SULF1: variants seen among roughly 807,000 people sequenced by gnomAD.
SULF1 encodes the protein sulfatase 1, also known as extracellular sulfatase Sulf-1.
SULF1 carries 46 observed loss-of-function variants against 110.5 expected under a neutral mutation model. The observed-to-expected ratio is 0.42, with a 90% CI of 0.33 to 0.53. The LOEUF (loss-of-function observed/expected upper bound fraction) is 0.53, where lower values mean the gene tolerates loss of function less well. Among genes scored for constraint, SULF1 ranks in the 20% least tolerant of loss-of-function variants. The pLI, the probability that SULF1 is intolerant of heterozygous loss-of-function variation, is 0.12. For synonymous variants in SULF1, 371 were observed against 387.1 expected (o/e 0.96, Z 0.49); for missense variants, 941 against 1,094.2 (o/e 0.86, Z 1.98).
intron 8 of SULF1, among the ~76,000 whole-genome samples, chr8:69,590,960 A>C (rs1218044757): frequency 6.6e-6 from 1 of 152,316 alleles, no homozygotes; most frequent in East Asian, 1.9e-4. Context: ...TTTCTGTTGA[A>C]TCAGAAATCA....
intron 3 of SULF1, among the ~76,000 whole-genome samples, chr8:69,541,611 C>A (rs1442221850): frequency 6.6e-6 from 1 of 152,212 alleles, no homozygotes; most frequent in Non-Finnish European, 1.5e-5. Context: ...AATCTCTGAA[C>A]ATGTATTTGA....
At chr8:69,522,444 A>G (rs1207022714) in intron 3 of SULF1, among the ~76,000 whole-genome samples, 1 of 151,984 alleles carries the variant, frequency 6.6e-6, no homozygotes, top group East Asian at 1.9e-4. Flanking sequence ...GGGGAGATAG[A>G]TAAAGAGTTC....
intron 3 of SULF1, among the ~76,000 whole-genome samples, chr8:69,525,270 C>A (rs1812579528): frequency 6.6e-6 from 1 of 151,996 alleles, no homozygotes; most frequent in Admixed American, 6.6e-5. Flanking sequence ...TCACAGATGC[C>A]CAGAAATTGC....
Position 69,646,922 on chromosome 8 carries a change from A to T in SULF1, c.2585+6081A>T, listed in dbSNP as rs193020362. Reference sequence around the variant, plus strand: ...ATTTGATTAGTGAGAGACAAATTGTATCAAAGAGCCCTGGAATTTTTTTTT... The same window carrying T: ...ATTTGATTAGTGAGAGACAAATTGTTTCAAAGAGCCCTGGAATTTTTTTTT... On this transcript the variant is annotated intron_variant, in intron 22 of 22. Coordinates refer to ENST00000402687, the MANE Select transcript of SULF1 (RefSeq NM_001128205.2). Among the ~76,000 whole-genome samples, 14 of 150,180 alleles carry T rather than the reference A, an allele frequency of 9.3e-5. No individual in the cohort carries two copies. The East Asian group carries it at 2.7e-3, about 29-fold the overall frequency.
chr8:69,651,051 CTTTTCT>C (rs1812298849), intron 22 of SULF1, among the ~76,000 whole-genome samples: 1 of 134,164 alleles, frequency 7.5e-6, no homozygotes, highest in Non-Finnish European at 1.6e-5. Flanking sequence ...TCTTTTTTTT[CTTTTCT>C]TTTTTTTTTT....
upstream of SULF1, chr8:69,492,652 A>T (rs1810004721): frequency 6.6e-6 from 1 of 152,198 alleles, no homozygotes; most frequent in Non-Finnish European, 1.5e-5. Flanking sequence ...GTTTGCATGC[A>T]CATATTCAGT....
At chr8:69,627,493 T>A (rs536908812) in intron 16 of SULF1, among the ~76,000 whole-genome samples, 187 bp downstream of exon 16, 4 of 152,230 alleles carry the variant, frequency 2.6e-5, no homozygotes, top group African/African-American at 9.6e-5. Flanking sequence ...CAATATAGAG[T>A]ATGAGAAGAG....
chr8:69,530,317 C>T (rs1166584855), intron 3 of SULF1, among the ~76,000 whole-genome samples: 3 of 152,102 alleles, frequency 2.0e-5, no homozygotes, highest in African/African-American at 7.2e-5. Flanking sequence ...ATTCAGTTAT[C>T]TGAAAAATAT....
chr8:69,587,744 T>G (rs1172352361), intron 7 of SULF1, among the ~76,000 whole-genome samples: 2 of 152,238 alleles, frequency 1.3e-5, no homozygotes, highest in Non-Finnish European at 2.9e-5. Flanking sequence ...ATGCTCCTTG[T>G]TCAAGTTATT....
intron 1 of SULF1, among the ~76,000 whole-genome samples, chr8:69,474,632 A>G (rs903966795): frequency 1.3e-5 from 2 of 152,226 alleles, no homozygotes; most frequent in Non-Finnish European, 2.9e-5. Context: ...ATAAAAGCAT[A>G]GGACATGTAA....
intron 5 of SULF1, among the ~76,000 whole-genome samples, chr8:69,570,031 A>C (rs1264443193): frequency 1.3e-5 from 2 of 152,218 alleles, no homozygotes; most frequent in African/African-American, 4.8e-5. Flanking sequence ...CATGTTTCAT[A>C]CTTTACTATG....
At chr8:69,514,848 C>T (rs1003837111) in intron 3 of SULF1, among the ~76,000 whole-genome samples, 1 of 152,200 alleles carries the variant, frequency 6.6e-6, no homozygotes, top group Non-Finnish European at 1.5e-5. Context: ...GTCATTAAAT[C>T]TCAAAGCTCC....
intron 22 of SULF1, among the ~76,000 whole-genome samples, chr8:69,648,455 G>T (rs1232153752): frequency 1.3e-5 from 2 of 152,188 alleles, no homozygotes; most frequent in Non-Finnish European, 2.9e-5. Flanking sequence ...TATAGATGAT[G>T]CCATAATGGA....
At chr8:69,540,429 T>C (rs542716916) in intron 3 of SULF1, among the ~76,000 whole-genome samples, 4 of 152,216 alleles carry the variant, frequency 2.6e-5, no homozygotes, top group Non-Finnish European at 5.9e-5. Flanking sequence ...GGCTATTATA[T>C]TTTATGGACG....
At chr8:69,576,619 T>C (rs999970893) in intron 6 of SULF1, among the ~76,000 whole-genome samples, 3 of 152,152 alleles carry the variant, frequency 2.0e-5, no homozygotes, top group African/African-American at 7.2e-5. Context: ...GATTAATTGG[T>C]TTTTTGAAAA....
chr8:69,621,207 A>G lies in SULF1; in HGVS notation c.1550A>G (p.Gln517Arg). The G allele has an allele frequency of 6.2e-7, 1 of 1,614,038 alleles. No individual in the cohort carries two copies. Among genetic ancestry groups the G allele is most frequent in the Non-Finnish European group, 8.5e-7 (1 of 1,179,924 alleles). The change falls in exon 14 of 23, where the codon CAA (glutamine) becomes CGA (arginine). Residue 517 changes from glutamine to arginine, a missense_variant. This residue lies in a region of SULF1 where 822 missense variants were observed against 934.3 expected (regional missense o/e 0.88). Transcript: ENST00000402687. ...TCTGGTTACCGTGCCAGCAGAAGCC[A>G]AAGAAAGAGTCAACGGCAATTCTTG... ...RESGYRASRS[Q>R]RKSQRQFLRN... is the part of the protein sequence containing the mutation.
At chr8:69,476,822 G>A (rs1391455869) in intron 1 of SULF1, among the ~76,000 whole-genome samples, 1 of 152,184 alleles carries the variant, frequency 6.6e-6, no homozygotes, top group Non-Finnish European at 1.5e-5. Context: ...CTGAATTGTT[G>A]AGACATCCAG....
In SULF1 at chr8:69,582,997, G is replaced by A. The variant is rs1806185266; in HGVS notation, c.413-3360G>A. On this transcript the variant is annotated intron_variant, in intron 6 of 22. Coordinates refer to ENST00000402687, the MANE Select transcript of SULF1 (RefSeq NM_001128205.2). ...AAGGAAATCCTGAGTCACCTGATGT[G>A]AGACCCTTTGACACTTTGCCCTACA... Among the ~76,000 whole-genome samples, 3 of 152,200 alleles carry A rather than the reference G, an allele frequency of 2.0e-5. 1 individual carries two copies. The highest frequency in any genetic ancestry group is 2.0e-4 in the Admixed American group (3 of 15,290).
At chr8:69,492,531 G>A (rs571151875), upstream of SULF1, among the ~76,000 whole-genome samples, 16 of 152,290 alleles carry the variant, frequency 1.1e-4, no homozygotes, top group South Asian at 2.9e-3. Context: ...TCCTGCCACA[G>A]GCAGCTACTG....
Sources: gnomAD v4.1 joint callset for allele counts (sites outside exome capture counted in the v4.1 genomes callset) on GRCh38, gnomAD v4.1.1 for gene constraint, gnomAD v4.1.1 regional missense constraint, MANE v1.5 for transcripts, NCBI Gene and HGNC (gene_info 2026-07-23, HGNC 2026-07-21) for gene names.